Variants in NR6A1 observed in about 807,000 individuals in gnomAD.
NR6A1 encodes the protein retinoic acid receptor-related testis-associated receptor.
Under a neutral mutation model 59.1 loss-of-function variants are expected in NR6A1, and 7 were observed. That is an observed-to-expected ratio of 0.12 (90% CI 0.07 to 0.22). NR6A1 has a LOEUF of 0.22. Ranked by LOEUF, NR6A1 falls within the 10% of genes least tolerant of loss-of-function variation. NR6A1 has a pLI of 1.00. For synonymous variants in NR6A1, 243 were observed against 236.1 expected (o/e 1.03, Z -0.27); for missense variants, 468 against 611.6 (o/e 0.77, Z 2.48).
chr9:124,531,521 T>TA (rs2131333590), intron 7 of NR6A1, among the ~76,000 whole-genome samples: 1 of 152,150 alleles, frequency 6.6e-6, no homozygotes, highest in African/African-American at 2.4e-5. Flanking sequence ...GCAGGCAAGG[T>TA]AGGAGAGTGC....
intron 2 of NR6A1, among the ~76,000 whole-genome samples, chr9:124,594,743 A>G (rs1835224321): frequency 6.6e-6 from 1 of 152,214 alleles, no homozygotes; most frequent in Non-Finnish European, 1.5e-5. Flanking sequence ...AATGAAGCCA[A>G]GGTTACTAAA....
At chr9:124,563,716 G>A (rs1834147616) in intron 2 of NR6A1, among the ~76,000 whole-genome samples, 1 of 152,190 alleles carries the variant, frequency 6.6e-6, no homozygotes, top group Non-Finnish European at 1.5e-5. Flanking sequence ...GTATGAAAGT[G>A]ATATGTATTC....
At chr9:124,758,123 T>C (rs1250571105) in intron 1 of NR6A1, among the ~76,000 whole-genome samples, 2 of 152,098 alleles carry the variant, frequency 1.3e-5, no homozygotes, top group Non-Finnish European at 2.9e-5. Flanking sequence ...AAAGGGAATA[T>C]TTTTTTGTGG....
At chr9:124,739,583 T>C (rs938249989) in intron 1 of NR6A1, among the ~76,000 whole-genome samples, 1 of 152,214 alleles carries the variant, frequency 6.6e-6, no homozygotes, top group African/African-American at 2.4e-5. Flanking sequence ...GCCTCCCAAG[T>C]AGCTGAGACT....
chr9:124,727,730 G>T (rs1320983516), intron 2 of NR6A1, among the ~76,000 whole-genome samples: 2 of 152,154 alleles, frequency 1.3e-5, no homozygotes, highest in Admixed American at 6.5e-5. Context: ...TGTCACCCAG[G>T]CTGGAGTGCA....
chr9:124,643,437 C>T (rs1276408995), intron 2 of NR6A1, among the ~76,000 whole-genome samples: 2 of 151,776 alleles, frequency 1.3e-5, no homozygotes, highest in Non-Finnish European at 1.5e-5. Context: ...CCCATTTCTA[C>T]CAAAAATACA....
At chr9:124,695,613 G>A (rs557562495) in intron 2 of NR6A1, among the ~76,000 whole-genome samples, 3 of 152,148 alleles carry the variant, frequency 2.0e-5, no homozygotes, top group South Asian at 2.1e-4. Flanking sequence ...CAAGTGATCC[G>A]CCCGCCTCGG....
intron 2 of NR6A1, chr9:124,598,882 A>G: frequency 1.4e-6 from 1 of 711,544 alleles, no homozygotes; most frequent in Non-Finnish European, 2.6e-6. Flanking sequence ...GTGCATTCTC[A>G]GCATTCAGGA....
chr9:124,628,633 G>A (rs1049041495), intron 2 of NR6A1, among the ~76,000 whole-genome samples: 1 of 148,628 alleles, frequency 6.7e-6, no homozygotes, highest in African/African-American at 2.5e-5. Flanking sequence ...GAGCCACCAC[G>A]TCCAGCCTAT....
At chr9:124,673,411 C>T (rs1837854191) in intron 2 of NR6A1, among the ~76,000 whole-genome samples, 1 of 152,008 alleles carries the variant, frequency 6.6e-6, no homozygotes, top group South Asian at 2.1e-4. Context: ...AACACAATAC[C>T]GCCATATCTC....
At chr9:124,587,469 G>C (rs1834968936) in intron 2 of NR6A1, among the ~76,000 whole-genome samples, 2 of 152,150 alleles carry the variant, frequency 1.3e-5, no homozygotes, top group African/African-American at 2.4e-5. Context: ...AGCTCCCTAG[G>C]TCCCTTCACA....
At chr9:124,703,907 C>T (rs74652882) in intron 2 of NR6A1, among the ~76,000 whole-genome samples, 2,527 of 152,234 alleles carry the variant, frequency 0.017, 82 homozygotes, top group East Asian at 0.16. Context: ...CCACCTGAGC[C>T]TCCCAAGTAG....
rs1342671366 is a variant in NR6A1, at chr9:124,694,307, G to C, written c.142+39001C>G. On this transcript the variant is annotated intron_variant, in intron 2 of 9. Coordinates refer to ENST00000487099, the MANE Select transcript of NR6A1 (RefSeq NM_033334.4). ...CATGTTTTGGGGGGAGAGTGGCTTA[G>C]ACAAAAATAAGCTCATTTTTACCTA... is the stretch of plus-strand genomic sequence containing the variant. Among the ~76,000 whole-genome samples the C allele has an allele frequency of 3.3e-5, 5 of 152,122 alleles. No individual in the cohort carries two copies. In the East Asian group the frequency reaches 7.7e-4, roughly 24 times the overall value.
At chr9:124,616,402 CAAA>C (rs71372978) in intron 2 of NR6A1, among the ~76,000 whole-genome samples, 2 of 68,296 alleles carry the variant, frequency 2.9e-5, no homozygotes, top group Non-Finnish European at 3.4e-5. Flanking sequence ...GACTCCATCT[CAAA>C]AAAAAAAAAA....
intron 2 of NR6A1, among the ~76,000 whole-genome samples, chr9:124,564,901 T>C (rs542830584): frequency 2.0e-5 from 3 of 152,198 alleles, no homozygotes; most frequent in Admixed American, 6.5e-5. Flanking sequence ...CCCTACAACA[T>C]AGCCATGAAT....
chr9:124,694,920 C>G (rs2131030947), intron 2 of NR6A1, among the ~76,000 whole-genome samples: 1 of 152,266 alleles, frequency 6.6e-6, no homozygotes, highest in East Asian at 1.9e-4. Flanking sequence ...GAGAAAATAT[C>G]AGGTTCAAGC....
At chr9:124,607,333 G>A (rs1835603293) in intron 2 of NR6A1, 1 of 152,194 alleles carries the variant, frequency 6.6e-6, no homozygotes, top group African/African-American at 2.4e-5. Context: ...GGTTGCCTAA[G>A]GCGGGATGAA....
chr9:124,745,316 T>C (rs75037304), intron 1 of NR6A1, among the ~76,000 whole-genome samples: 2,507 of 152,232 alleles, frequency 0.016, 75 homozygotes, highest in East Asian at 0.15. Context: ...ATAACTAATT[T>C]TTCTTCCTCC....
intron 2 of NR6A1, among the ~76,000 whole-genome samples, chr9:124,703,422 G>C (rs532195436): frequency 6.8e-4 from 102 of 150,814 alleles, no homozygotes; most frequent in African/African-American, 2.4e-3. Context: ...TACCCAGGCT[G>C]GTCTTGAACT....
Sources: gnomAD v4.1 joint callset for allele counts (sites outside exome capture counted in the v4.1 genomes callset) on GRCh38, gnomAD v4.1.1 for gene constraint, MANE v1.5 for transcripts, NCBI Gene and HGNC (gene_info 2026-07-23, HGNC 2026-07-21) for gene names.